NUDT6: variants seen among roughly 807,000 people sequenced by gnomAD.
NUDT6 encodes FAD diphosphatase NUDT6.
Under a neutral mutation model 36.8 loss-of-function variants are expected in NUDT6, and 24 were observed. That is an observed-to-expected ratio of 0.65 (90% confidence interval 0.47 to 0.92). NUDT6 has a LOEUF of 0.92. Ranked by LOEUF, NUDT6 falls within the 40% of genes least tolerant of loss-of-function variation. The pLI is 0.00. For synonymous variants in NUDT6, 163 were observed against 157.0 expected (o/e 1.04, Z -0.29); for missense variants, 388 against 392.8 (o/e 0.99, Z 0.10).
chr4:122,922,402 C>G lies in NUDT6; in HGVS notation c.171G>C (p.Ser57=). The G allele has an allele frequency of 6.2e-7, 1 of 1,610,376 alleles. No individual in the cohort carries two copies. The highest frequency in any genetic ancestry group is 8.5e-7 in the Non-Finnish European group (1 of 1,179,840). ...GCGCATCGAGCCGCGCCAGGCGCACCGAGATGCCCCCGAATCTGTCCAGCT... is the reference window on the plus strand; with the variant it reads ...GCGCATCGAGCCGCGCCAGGCGCACGGAGATGCCCCCGAATCTGTCCAGCT... ...QGELDRFGGI[S]VRLARLDALD... is the part of the protein sequence containing the mutation. The change falls in exon 1 of 5, where the codon TCG becomes TCC. Residue 57 remains serine, a synonymous_variant. Coordinates refer to ENST00000304430, the MANE Select transcript of NUDT6 (RefSeq NM_007083.5).
chr4:122,917,574 T>C lies in NUDT6; in HGVS notation c.369A>G (p.Ser123=). Residue 123 remains serine, a synonymous_variant, in exon 2 of 5, where the codon TCA becomes TCG. Transcript: ENST00000304430. Reference sequence around the variant, plus strand: ...CTTCTCTCAGCCACAGAGTCAACGTTGATGAATCCGATTCTGCGTGGTGAA... The same window carrying C: ...CTTCTCTCAGCCACAGAGTCAACGTCGATGAATCCGATTCTGCGTGGTGAA... ...FCFHHAESDS[S]TLTLWLREGP... 6.2e-7 allele frequency: 1 copy of C among 1,614,170 alleles called. No homozygotes were observed. Among genetic ancestry groups the C allele is most frequent in the Non-Finnish European group, 8.5e-7 (1 of 1,180,026 alleles).
chr4:122,895,505 T>A (rs1221367721), intron 4 of NUDT6: 2 of 152,206 alleles, frequency 1.3e-5, no homozygotes, highest in Admixed American at 1.3e-4. Context: ...TCCCTCTGAC[T>A]CTAGTGCACT....
intron 4 of NUDT6, chr4:122,896,268 TTA>T (rs1185728497): frequency 5.2e-5 from 8 of 152,494 alleles, no homozygotes; most frequent in Non-Finnish European, 7.4e-5. Flanking sequence ...AGGCCTGAAA[TTA>T]TATATATTTG....
At chr4:122,921,969 C>T (rs1481520182) in intron 1 of NUDT6, 1 of 226,250 alleles carries the variant, frequency 4.4e-6, no homozygotes, top group Non-Finnish European at 8.5e-6. Context: ...CTGTGCTGTG[C>T]ACTTTATGTG....
intron 2 of NUDT6, among the ~76,000 whole-genome samples, chr4:122,916,172 G>C (rs984328411): frequency 6.6e-6 from 1 of 152,102 alleles, no homozygotes; most frequent in East Asian, 1.9e-4. Flanking sequence ...TGAATTTTCA[G>C]GTCCCACCAT....
At chr4:122,899,772 T>C (rs1020569666) in intron 3 of NUDT6, among the ~76,000 whole-genome samples, 1 of 152,166 alleles carries the variant, frequency 6.6e-6, no homozygotes, top group Non-Finnish European at 1.5e-5. Flanking sequence ...CAGTGAGTTA[T>C]TGTGCCACCG....
intron 2 of NUDT6, among the ~76,000 whole-genome samples, chr4:122,916,897 G>A (rs868854803): frequency 1.2e-4 from 18 of 152,270 alleles, no homozygotes; most frequent in African/African-American, 4.1e-4. Flanking sequence ...TGATAACAGG[G>A]AAGGCTACTA....
At chr4:122,918,996 A>G (rs1727910291) in intron 1 of NUDT6, 1 of 152,218 alleles carries the variant, frequency 6.6e-6, no homozygotes, top group Admixed American at 6.5e-5. Context: ...AATCAAATTA[A>G]AAGGCTACTT....
rs113708696 is a variant in NUDT6, at chr4:122,899,044, A to ATTTTTTTTTTTTTTTTTTTTTTTTTTT, written c.499-1367_499-1366insAAAAAAAAAAAAAAAAAAAAAAAAAAA. Among the ~76,000 whole-genome samples the ATTTTTTTTTTTTTTTTTTTTTTTTTTT allele has an allele frequency of 3.9e-3, 274 of 69,380 alleles. 79 individuals are homozygous for ATTTTTTTTTTTTTTTTTTTTTTTTTTT. The highest frequency in any genetic ancestry group is 5.8e-3 in the Non-Finnish European group (193 of 33,110). The allele number at this position is 69,380 out of a possible 152,430, so 45.5% of individuals were successfully genotyped here. On this transcript the variant is annotated intron_variant, in intron 3 of 4. Transcript: ENST00000304430. ...CTACAGGTGTGCACCACCACACCTAATTTTTTTTTTTTTTTTAGAGATGAG... is the reference window on the plus strand; with the variant it reads ...CTACAGGTGTGCACCACCACACCTAATTTTTTTTTTTTTTTTTTTTTTTTTTTTTTTTTTTTTTTTTTTAGAGATGAG...
chr4:122,922,405 G>A lies in NUDT6; in HGVS notation c.168C>T (p.Ile56=), dbSNP rs372095168. ...CATCGAGCCGCGCCAGGCGCACCGA[G>A]ATGCCCCCGAATCTGTCCAGCTCGC... The part of the protein sequence containing the change: ...LQGELDRFGG[I]SVRLARLDAL... Residue 56 remains isoleucine, a synonymous_variant, in exon 1 of 5, where the codon ATC becomes ATT. Transcript: ENST00000304430. 1 of 1,610,544 alleles carries A rather than the reference G, an allele frequency of 6.2e-7. No homozygotes were observed. The highest frequency in any genetic ancestry group is 1.1e-5 in the South Asian group (1 of 91,048).
intron 1 of NUDT6, chr4:122,921,989 A>G (rs944083230): frequency 7.5e-6 from 2 of 266,802 alleles, no homozygotes; most frequent in Non-Finnish European, 1.4e-5. Context: ...GCATTATCCA[A>G]ATTAACTCTC....
intron 3 of NUDT6, among the ~76,000 whole-genome samples, chr4:122,907,772 G>A (rs1727650126): frequency 6.6e-6 from 1 of 152,018 alleles, no homozygotes. Context: ...AATAAAACTT[G>A]CTTTCACTTT....
Position 122,915,483 on chromosome 4 carries a change from A to C in NUDT6, c.442+2018T>G, listed in dbSNP as rs78218030. ...AGACCCTGCCTCAAAAAAAAAAAAA[A>C]AAAAAAAAAAAAAAACAACTCTGCA... On this transcript the variant is annotated intron_variant, in intron 2 of 4. Coordinates refer to ENST00000304430, the MANE Select transcript of NUDT6 (RefSeq NM_007083.5). Among the ~76,000 whole-genome samples the C allele has an allele frequency of 3.7e-4, 16 of 42,952 alleles. 2 individuals carry two copies. The highest frequency in any genetic ancestry group is 2.0e-3 in the East Asian group (1 of 508). 28.2% of individuals were successfully genotyped at this position (42,952 alleles called of 152,430 possible).
chr4:122,922,141 C>T (rs1383323319), intron 1 of NUDT6, 194 bp downstream of exon 1: 1 of 429,262 alleles, frequency 2.3e-6, no homozygotes, highest in East Asian at 3.5e-5. Flanking sequence ...CCATTTCACC[C>T]AACCGCCTTA....
chr4:122,912,263 T>G (rs996455070), intron 3 of NUDT6, among the ~76,000 whole-genome samples: 4 of 152,192 alleles, frequency 2.6e-5, no homozygotes, highest in Admixed American at 2.0e-4. Context: ...GAATGCTGAA[T>G]GAATGGAAGA....
intron 2 of NUDT6, among the ~76,000 whole-genome samples, chr4:122,916,580 T>G (rs1727849217): frequency 6.6e-6 from 1 of 152,232 alleles, no homozygotes; most frequent in Admixed American, 6.5e-5. Flanking sequence ...TGAAGTTTAA[T>G]TATATGTGTA....
At chr4:122,900,625 T>C (rs1475329182) in intron 3 of NUDT6, among the ~76,000 whole-genome samples, 1 of 151,908 alleles carries the variant, frequency 6.6e-6, no homozygotes, top group Non-Finnish European at 1.5e-5. Context: ...TAACCATCTT[T>C]TAAGAAATTG....
intron 1 of NUDT6, chr4:122,921,504 G>A (rs1727991965): frequency 6.6e-6 from 1 of 151,092 alleles, no homozygotes; most frequent in African/African-American, 2.4e-5. Flanking sequence ...GCTGAGGTGG[G>A]AGGATTGCTT....
intron 4 of NUDT6, 78 bp downstream of exon 4, chr4:122,897,546 T>G: frequency 9.5e-7 from 1 of 1,047,534 alleles, no homozygotes; most frequent in South Asian, 1.3e-5. Flanking sequence ...ATTTTTATTC[T>G]TAGCTATAAA....
Sources: allele counts gnomAD v4.1 joint callset (sites outside exome capture counted in the v4.1 genomes callset), GRCh38; gene constraint gnomAD v4.1.1; transcripts MANE v1.5; gene names NCBI Gene and HGNC (gene_info 2026-07-23, HGNC 2026-07-21).